The following C12orf56 variants were observed in gnomAD, a reference collection of about 807,000 sequenced individuals.
C12orf56 encodes uncharacterized protein C12orf56.
In C12orf56, 71 loss-of-function variants were observed where a neutral mutation model predicts 69.9. The observed-to-expected ratio is 1.02, with a 90% confidence interval of 0.84 to 1.24. The LOEUF (loss-of-function observed/expected upper bound fraction) is 1.24. Ranked by LOEUF, C12orf56 falls within the 50% of genes most tolerant of loss-of-function variation. C12orf56 has a pLI of 0.00. For missense variants in C12orf56, 732 were observed against 738.5 expected (o/e 0.99, Z 0.10); for synonymous variants, 276 against 274.1 (o/e 1.01, Z -0.07).
intron 11 of C12orf56, among the ~76,000 whole-genome samples, chr12:64,273,983 CACAA>C (rs1171646629): frequency 6.6e-6 from 1 of 152,176 alleles, no homozygotes; most frequent in Non-Finnish European, 1.5e-5. Context: ...CAAATAATAA[CACAA>C]ACAAATGCAA....
At chr12:64,277,571 G>T in intron 9 of C12orf56, 109 bp downstream of exon 9, 1 of 691,486 alleles carries the variant, frequency 1.4e-6, no homozygotes, top group Non-Finnish European at 2.0e-6. Context: ...TCTACTCTTT[G>T]GTTTAATTAT....
chr12:64,270,432 G>A (rs2037969376), intron 12 of C12orf56, 104 bp downstream of exon 12: 4 of 1,019,178 alleles, frequency 3.9e-6, no homozygotes, highest in Non-Finnish European at 5.5e-6. Flanking sequence ...AAGAATTCCT[G>A]ATAAATACCT....
intron 6 of C12orf56, among the ~76,000 whole-genome samples, chr12:64,302,594 G>C (rs112341405): frequency 6.6e-6 from 1 of 152,104 alleles, no homozygotes; most frequent in African/African-American, 2.4e-5. Context: ...CAATCAACAT[G>C]AACACAGCCC....
chr12:64,331,009 CAAGGCCGTTCTTTTCTTCCTTGACTTAA>C lies in C12orf56; in HGVS notation c.416-5_438del. On this transcript the variant is annotated splice_acceptor_variant and splice_polypyrimidine_tract_variant and coding_sequence_variant and intron_variant, in exon 3 of 13. Coordinates refer to ENST00000543942, the MANE Select transcript of C12orf56 (RefSeq NM_001170633.2). LOFTEE classifies it high-confidence loss of function. Reference sequence around the variant, plus strand: ...CTGGACTCTTTGCTTCTCCAAAAGGCAAGGCCGTTCTTTTCTTCCTTGACTTAAAAAAAAAATAGTTATTTGGTCATTA... The same window carrying C: ...CTGGACTCTTTGCTTCTCCAAAAGGCAAAAAAAATAGTTATTTGGTCATTA... 6.4e-7 allele frequency: 1 copy of C among 1,552,022 alleles called. No individual in the cohort carries two copies.
chr12:64,322,549 G>A (rs2038786532), intron 3 of C12orf56, among the ~76,000 whole-genome samples: 1 of 152,098 alleles, frequency 6.6e-6, no homozygotes, highest in South Asian at 2.1e-4. Context: ...CAGGCATGGT[G>A]GCTCATGCCT....
At chr12:64,332,769 G>A (rs2038948478) in intron 2 of C12orf56, among the ~76,000 whole-genome samples, 1 of 152,192 alleles carries the variant, frequency 6.6e-6, no homozygotes, top group South Asian at 2.1e-4. Context: ...TTGTTCTTGA[G>A]AGACAGGGCT....
intron 1 of C12orf56, among the ~76,000 whole-genome samples, chr12:64,384,841 G>C (rs1382186975): frequency 6.6e-6 from 1 of 152,100 alleles, no homozygotes; most frequent in African/African-American, 2.4e-5. Context: ...ATCGCCTCAG[G>C]TTAGGATTTC....
chr12:64,308,853 G>GAAAGAAAGAAAGA (rs1276385855), intron 5 of C12orf56, among the ~76,000 whole-genome samples: 1 of 127,512 alleles, frequency 7.8e-6, no homozygotes, highest in South Asian at 2.5e-4. Flanking sequence ...AAAAAAAAAA[G>GAAAGAAAGAAAGA]AAAGAAAGAA....
chr12:64,352,820 G>T, intron 2 of C12orf56, 74 bp downstream of exon 2: 1 of 1,309,152 alleles, frequency 7.6e-7, no homozygotes, highest in Non-Finnish European at 1.0e-6. Context: ...AAAATATCCT[G>T]CATCAATTTT....
At chr12:64,321,854 A>G (rs2164505) in intron 3 of C12orf56, among the ~76,000 whole-genome samples, 67,834 of 151,550 alleles carry the variant, frequency 0.45, 15,533 homozygotes, top group African/African-American at 0.54. Flanking sequence ...ATGTGTTTGG[A>G]TGTGGAATTT....
Position 64,274,889 on chromosome 12 carries a change from CTA to C in C12orf56, c.1584+10_1584+11del. 1 of 1,594,310 alleles carries C rather than the reference CTA, an allele frequency of 6.3e-7. No homozygotes were observed. Among genetic ancestry groups the C allele is most frequent in the South Asian group, 1.1e-5 (1 of 90,370 alleles). On this transcript the variant is annotated intron_variant, in intron 11 of 12. Transcript: ENST00000543942. ...CTTGGGGGTGATTTCGTTTTGACTT[CTA>C]GATACTTACGATGGGAGGACAGCTT... is the stretch of plus-strand genomic sequence containing the variant.
chr12:64,324,858 T>C (rs1039148270), intron 3 of C12orf56, among the ~76,000 whole-genome samples: 8 of 152,150 alleles, frequency 5.3e-5, no homozygotes, highest in African/African-American at 1.9e-4. Context: ...TAGAAGTTGA[T>C]GGGTGAGTTA....
chr12:64,358,066 GA>G (rs1293130833), intron 1 of C12orf56, among the ~76,000 whole-genome samples: 1 of 152,126 alleles, frequency 6.6e-6, no homozygotes, highest in African/African-American at 2.4e-5. Flanking sequence ...TGACAGGTGT[GA>G]TAAAAAGAAA....
intron 1 of C12orf56, among the ~76,000 whole-genome samples, chr12:64,386,393 T>TAG (rs2039789875): frequency 1.1e-5 from 1 of 92,544 alleles, no homozygotes; most frequent in South Asian, 3.9e-4. Context: ...TTTATATATA[T>TAG]ATATATTTTT....
At chr12:64,371,702 C>T (rs1254689857) in intron 1 of C12orf56, among the ~76,000 whole-genome samples, 1 of 151,802 alleles carries the variant, frequency 6.6e-6, no homozygotes, top group East Asian at 1.9e-4. Context: ...TGGTGGTGCA[C>T]ACCTGTAATC....
chr12:64,381,353 T>C (rs1203460210), intron 1 of C12orf56, among the ~76,000 whole-genome samples: 1 of 152,202 alleles, frequency 6.6e-6, no homozygotes, highest in East Asian at 1.9e-4. Context: ...TGTTATCTCC[T>C]GGAGCAATTT....
At chr12:64,275,052 A>C (rs1298133701) in intron 10 of C12orf56, 77 bp from the exon 11 acceptor site, 1 of 1,315,688 alleles carries the variant, frequency 7.6e-7, no homozygotes, top group African/African-American at 1.5e-5. Flanking sequence ...ATTCTTAAAT[A>C]CATTTTTATC....
At chr12:64,365,846 T>C (rs1270617276) in intron 1 of C12orf56, among the ~76,000 whole-genome samples, 1 of 139,434 alleles carries the variant, frequency 7.2e-6, no homozygotes, top group Non-Finnish European at 1.5e-5. Context: ...ATAGTGTATA[T>C]ATTGTATTAT....
At position 64,308,940 on chromosome 12, in the gene C12orf56, GAAGA is replaced by G. The variant is rs1555188252; in HGVS notation, c.968+3735_968+3738del. On this transcript the variant is annotated intron_variant, in intron 5 of 12. Transcript: ENST00000543942. Reference sequence around the variant, plus strand: ...AGAAAGAAAGAAAGAAAGAAAGAAAGAAGAAAGAAAGAAAGAAAGAAAGAAAGAA... The same window carrying G: ...AGAAAGAAAGAAAGAAAGAAAGAAAGAAGAAAGAAAGAAAGAAAGAAAGAA... Among the ~76,000 whole-genome samples, 168 of 80,874 alleles carry G rather than the reference GAAGA, an allele frequency of 2.1e-3. 1 individual carries two copies. Among genetic ancestry groups the G allele is most frequent in the African/African-American group, 3.8e-3 (83 of 21,792 alleles). 53.1% of individuals were successfully genotyped at this position (80,874 alleles called of 152,430 possible). A position where few individuals can be genotyped will look rare whatever the true frequency, so the allele number is the denominator to read the frequency against.
Sources: allele counts gnomAD v4.1 joint callset (sites outside exome capture counted in the v4.1 genomes callset), GRCh38; gene constraint gnomAD v4.1.1; transcripts MANE v1.5; gene names NCBI Gene and HGNC (gene_info 2026-07-23, HGNC 2026-07-21).